Variants in NSMCE2 observed in about 807,000 individuals in gnomAD.
NSMCE2 encodes E3 SUMO-protein ligase NSE2.
NSMCE2 carries 24 observed loss-of-function variants against 23.8 expected under a neutral mutation model. The ratio of observed to expected loss-of-function variants is 1.01; its 90% CI spans 0.73 to 1.42. The LOEUF is 1.42. NSMCE2 is among the 40% of genes most tolerant of loss of function. The pLI is 0.00. For synonymous variants in NSMCE2, 92 were observed against 94.1 expected, an observed-to-expected ratio of 0.98 and a Z score of 0.13; for missense variants, 284 against 296.5, an observed-to-expected ratio of 0.96 and a Z score of 0.31.
chr8:125,143,042 A>G (rs1166628846), intron 3 of NSMCE2, among the ~76,000 whole-genome samples: 2 of 152,164 alleles, frequency 1.3e-5, no homozygotes, highest in Non-Finnish European at 2.9e-5. Context: ...TCAACTCCTG[A>G]TAAATATGTG....
At chr8:125,106,246 C>T (rs762026459) in intron 3 of NSMCE2, among the ~76,000 whole-genome samples, 6 of 152,090 alleles carry the variant, frequency 3.9e-5, no homozygotes, top group Non-Finnish European at 7.4e-5. Context: ...TATTAAAATA[C>T]TAAAACAATG....
chr8:125,250,438 G>C (rs1826157986), intron 5 of NSMCE2, among the ~76,000 whole-genome samples: 1 of 152,038 alleles, frequency 6.6e-6, no homozygotes, highest in Non-Finnish European at 1.5e-5. Flanking sequence ...TACCTCTATT[G>C]ATATATTGCT....
intron 3 of NSMCE2, among the ~76,000 whole-genome samples, chr8:125,108,115 A>T (rs1030946492): frequency 6.6e-6 from 1 of 152,182 alleles, no homozygotes; most frequent in African/African-American, 2.4e-5. Context: ...ATTACGATGA[A>T]AATAGTTTTG....
At chr8:125,199,372 A>G (rs553007253) in intron 5 of NSMCE2, among the ~76,000 whole-genome samples, 3 of 152,226 alleles carry the variant, frequency 2.0e-5, no homozygotes, top group Admixed American at 6.5e-5. Flanking sequence ...AGATTCTGGT[A>G]CGTTGTATCT....
chr8:125,201,906 A>T (rs1586604269), intron 5 of NSMCE2, among the ~76,000 whole-genome samples: 1 of 151,942 alleles, frequency 6.6e-6, no homozygotes, highest in Non-Finnish European at 1.5e-5. Context: ...AATGGCGGAC[A>T]CCCCACCGTC....
At chr8:125,204,004 C>T (rs969003733) in intron 5 of NSMCE2, among the ~76,000 whole-genome samples, 4 of 152,196 alleles carry the variant, frequency 2.6e-5, no homozygotes, top group East Asian at 3.9e-4. Context: ...AATGTCATTG[C>T]GGTGAGACAG....
At chr8:125,311,979 A>T (rs1420115834) in intron 5 of NSMCE2, among the ~76,000 whole-genome samples, 3 of 150,980 alleles carry the variant, frequency 2.0e-5, no homozygotes, top group Non-Finnish European at 4.4e-5. Flanking sequence ...GAGGCAGGAG[A>T]ATCACTTGAA....
intron 5 of NSMCE2, among the ~76,000 whole-genome samples, chr8:125,195,418 T>C (rs1472028736): frequency 1.3e-5 from 2 of 152,176 alleles, no homozygotes; most frequent in Non-Finnish European, 2.9e-5. Context: ...CAGCTTATTA[T>C]TTAAAAGGGA....
chr8:125,290,297 G>T (rs1170436641), intron 5 of NSMCE2, among the ~76,000 whole-genome samples: 1 of 152,178 alleles, frequency 6.6e-6, no homozygotes, highest in Non-Finnish European at 1.5e-5. Flanking sequence ...CTAATACAAG[G>T]TAGCGGTAGC....
At chr8:125,195,446 T>A (rs2130840931) in intron 5 of NSMCE2, among the ~76,000 whole-genome samples, 1 of 152,286 alleles carries the variant, frequency 6.6e-6, no homozygotes, top group African/African-American at 2.4e-5. Flanking sequence ...TACAAACATA[T>A]CTTAGCATAG....
At chr8:125,108,691 G>T (rs564794355) in intron 3 of NSMCE2, among the ~76,000 whole-genome samples, 4 of 152,300 alleles carry the variant, frequency 2.6e-5, no homozygotes, top group African/African-American at 7.2e-5. Flanking sequence ...TAGAAGAAGG[G>T]CCTGTGATGT....
chr8:125,364,907 A>G (rs1813714064), intron 7 of NSMCE2, among the ~76,000 whole-genome samples: 1 of 152,204 alleles, frequency 6.6e-6, no homozygotes, highest in Non-Finnish European at 1.5e-5. Context: ...GAGAAAATTC[A>G]GACCTAGGTT....
chr8:125,245,380 A>G (rs933164492), intron 5 of NSMCE2, among the ~76,000 whole-genome samples: 1 of 152,208 alleles, frequency 6.6e-6, no homozygotes, highest in Non-Finnish European at 1.5e-5. Flanking sequence ...TATTAACTGA[A>G]ATAATAATTT....
chr8:125,110,910 C>CT (rs1042090790), intron 3 of NSMCE2, among the ~76,000 whole-genome samples: 6 of 151,590 alleles, frequency 4.0e-5, no homozygotes, highest in African/African-American at 1.5e-4. Flanking sequence ...CTTTCAGGGC[C>CT]TTTGTACTGA....
At chr8:125,331,111 C>G (rs912379801) in intron 5 of NSMCE2, among the ~76,000 whole-genome samples, 1 of 152,056 alleles carries the variant, frequency 6.6e-6, no homozygotes, top group Admixed American at 6.5e-5. Context: ...ACCATCCTGG[C>G]CAACATGGTG....
At chr8:125,331,471 C>G (rs1358984626) in intron 5 of NSMCE2, among the ~76,000 whole-genome samples, 1 of 152,110 alleles carries the variant, frequency 6.6e-6, no homozygotes, top group Non-Finnish European at 1.5e-5. Flanking sequence ...TTGTAAAGCA[C>G]TGTGTAAATG....
At chr8:125,161,217 A>T (rs893285373) in intron 4 of NSMCE2, among the ~76,000 whole-genome samples, 1 of 152,110 alleles carries the variant, frequency 6.6e-6, no homozygotes, top group African/African-American at 2.4e-5. Context: ...TAATGGTGGC[A>T]CTTTCCTTCT....
intron 4 of NSMCE2, among the ~76,000 whole-genome samples, chr8:125,170,127 A>G (rs900851804): frequency 6.6e-6 from 1 of 151,986 alleles, no homozygotes; most frequent in Non-Finnish European, 1.5e-5. Context: ...CCAAAACCAC[A>G]TCTCAGACAT....
chr8:125,235,000 C>T (rs970888109), intron 5 of NSMCE2, among the ~76,000 whole-genome samples: 2 of 152,184 alleles, frequency 1.3e-5, no homozygotes, highest in Admixed American at 1.3e-4. Flanking sequence ...CAACCTAGCA[C>T]TTTGGGAGGC....
Sources: allele counts gnomAD v4.1 joint callset (sites outside exome capture counted in the v4.1 genomes callset), GRCh38; gene constraint gnomAD v4.1.1; transcripts MANE v1.5; gene names NCBI Gene and HGNC (gene_info 2026-07-23, HGNC 2026-07-21).